RNF157: variants seen among roughly 807,000 people sequenced by gnomAD.
RNF157 encodes ring finger protein 157.
RNF157 carries 55 observed loss-of-function variants against 88.3 expected under a neutral mutation model. The observed-to-expected ratio is 0.62, with a 90% CI of 0.50 to 0.78. The LOEUF is 0.78. RNF157 is among the 30% of genes least tolerant of loss of function. The pLI is 0.00. For synonymous variants in RNF157, 334 were observed against 341.2 expected, an observed-to-expected ratio of 0.98 and a Z score of 0.23; for missense variants, 788 against 860.8, an observed-to-expected ratio of 0.92 and a Z score of 1.06.
chr17:76,210,900 G>A (rs992082717), intron 2 of RNF157, among the ~76,000 whole-genome samples: 1 of 152,102 alleles, frequency 6.6e-6, no homozygotes, highest in Non-Finnish European at 1.5e-5. Flanking sequence ...CACTTCCCGG[G>A]TTCAAGCGAT....
intron 3 of RNF157, among the ~76,000 whole-genome samples, chr17:76,172,416 ACT>A (rs1316872133): frequency 6.6e-6 from 1 of 151,636 alleles, no homozygotes; most frequent in Non-Finnish European, 1.5e-5. Flanking sequence ...ACATGGAGAA[ACT>A]CTGTCTCTAC....
intron 2 of RNF157, chr17:76,175,687 G>A: frequency 1.1e-6 from 1 of 887,828 alleles, no homozygotes; most frequent in Non-Finnish European, 1.3e-6. Flanking sequence ...TTTTTTTCTG[G>A]AGTAGCAAAG....
At chr17:76,148,566 CTTTT>C (rs35003550) in intron 18 of RNF157, among the ~76,000 whole-genome samples, 1 of 132,930 alleles carries the variant, frequency 7.5e-6, no homozygotes. Context: ...CGTGCCCCGC[CTTTT>C]TTTTTTTTTT....
At chr17:76,162,193 T>G (rs2068855859) in intron 9 of RNF157, 191 bp from the exon 10 acceptor site, 14 of 638,284 alleles carry the variant, frequency 2.2e-5, no homozygotes, top group Middle Eastern at 8.2e-4. Flanking sequence ...AGTGTTTATC[T>G]AAAATTGAGA....
intron 1 of RNF157, among the ~76,000 whole-genome samples, chr17:76,215,272 G>C (rs1241209950): frequency 6.6e-6 from 1 of 151,970 alleles, no homozygotes; most frequent in Non-Finnish European, 1.5e-5. Context: ...AGCAAGCTTA[G>C]CAAGACCTTG....
chr17:76,161,699 G>C lies in RNF157; in HGVS notation c.953-52C>G, dbSNP rs767368705. 1 of 1,554,746 alleles carries C rather than the reference G, an allele frequency of 6.4e-7. No homozygotes were observed. The highest frequency in any genetic ancestry group is 8.8e-7 in the Non-Finnish European group (1 of 1,133,150). On this transcript the variant is annotated intron_variant, in intron 10 of 18. Coordinates refer to ENST00000269391, the MANE Select transcript of RNF157 (RefSeq NM_052916.3). The surrounding 1 kb of genome is among the most constrained non-coding windows in gnomAD (Gnocchi z 4.6). ...GACATCCTGATACAGGATTAAGAAT[G>C]AACAAGAGCCCAGACAGAAACCATG... is the stretch of plus-strand genomic sequence containing the variant.
chr17:76,225,524 C>T (rs2070066200), intron 1 of RNF157, among the ~76,000 whole-genome samples: 1 of 152,014 alleles, frequency 6.6e-6, no homozygotes, highest in South Asian at 2.1e-4. Context: ...ATTGAATGGA[C>T]TATTTGAATG....
At chr17:76,234,481 C>T (rs189843041) in intron 1 of RNF157, among the ~76,000 whole-genome samples, 2 of 152,288 alleles carry the variant, frequency 1.3e-5, no homozygotes, top group East Asian at 3.9e-4. Context: ...TTTACATTCA[C>T]ACCGGCAGGG....
At chr17:76,225,646 G>T in intron 1 of RNF157, 2 of 1,038,986 alleles carry the variant, frequency 1.9e-6, no homozygotes, top group East Asian at 2.8e-5. Context: ...GTTTTTAGTG[G>T]CCAAATAATA....
In RNF157 at chr17:76,161,031, T is replaced by A. The variant is rs1568029307; in HGVS notation, c.1065+504A>T. 6.6e-6 allele frequency among the ~76,000 whole-genome samples: 1 copy of A among 152,196 alleles called. No individual in the cohort carries two copies. Among genetic ancestry groups the A allele is most frequent in the Non-Finnish European group, 1.5e-5 (1 of 68,032 alleles). ...AATCTCTCCCAGCAGTGCGTTAGTC[T>A]AAAGAAAGACAGTATCTGCTGCTCT... is the stretch of plus-strand genomic sequence containing the variant. On this transcript the variant is annotated intron_variant, in intron 11 of 18. Transcript: ENST00000269391. This position sits in a 1 kb window ranked among gnomAD's most constrained non-coding sequence, Gnocchi z 4.6.
intron 2 of RNF157, chr17:76,175,784 T>C (rs1182929663): frequency 5.2e-5 from 51 of 985,072 alleles, no homozygotes; most frequent in Non-Finnish European, 6.0e-5. Flanking sequence ...TTTCCCTTAT[T>C]CTTTACTCTT....
chr17:76,146,574 CG>C lies in RNF157; in HGVS notation c.1922-1222del. ...TCCGGACCCTGTGGGCCTCCCCAGC[CG>C]TGTCTCCCAGTGGCCTCCCCTCACG... On this transcript the variant is annotated intron_variant, in intron 18 of 18. Coordinates refer to ENST00000269391, the MANE Select transcript of RNF157 (RefSeq NM_052916.3). This position sits in a 1 kb window ranked among gnomAD's most constrained non-coding sequence, Gnocchi z 4.2. 1.0e-6 allele frequency: 1 copy of C among 985,430 alleles called. No individual in the cohort carries two copies. Among genetic ancestry groups the C allele is most frequent in the Non-Finnish European group, 1.2e-6 (1 of 829,930 alleles). 61.0% of individuals were successfully genotyped at this position (985,430 alleles called of 1,614,324 possible).
chr17:76,224,111 C>CA (rs1200902913), intron 1 of RNF157, among the ~76,000 whole-genome samples: 3 of 152,206 alleles, frequency 2.0e-5, no homozygotes, highest in South Asian at 4.1e-4. Flanking sequence ...AGCGAAAGCC[C>CA]AAAATCAATA....
Position 76,146,817 on chromosome 17 carries a change from G to A in RNF157, c.1922-1464C>T, listed in dbSNP as rs957300599. 2.0e-6 allele frequency: 2 copies of A among 985,366 alleles called. No individual in the cohort carries two copies. The highest frequency in any genetic ancestry group is 1.2e-6 in the Non-Finnish European group (1 of 829,950). 61.0% of individuals were successfully genotyped at this position (985,366 alleles called of 1,614,324 possible). Reference sequence around the variant, plus strand: ...ATAGGAGGACCTGTTCAGCGGACAAGGCCGACCAACTGTAGAGTGTGGCCG... The same window carrying A: ...ATAGGAGGACCTGTTCAGCGGACAAAGCCGACCAACTGTAGAGTGTGGCCG... On this transcript the variant is annotated intron_variant, in intron 18 of 18. Coordinates refer to ENST00000269391, the MANE Select transcript of RNF157 (RefSeq NM_052916.3). The surrounding 1 kb of genome is among the most constrained non-coding windows in gnomAD (Gnocchi z 4.2).
intron 2 of RNF157, among the ~76,000 whole-genome samples, chr17:76,179,247 TAGTC>T (rs1315971779): frequency 2.6e-5 from 4 of 151,782 alleles, no homozygotes; most frequent in South Asian, 2.1e-4. Context: ...ATGTAGAACT[TAGTC>T]AGCATGGTGG....
chr17:76,161,448 G>T lies in RNF157; in HGVS notation c.1065+87C>A. Reference sequence around the variant, plus strand: ...GCATGCCCTGGTCTAATTCCTTGCTGCAATGCCACGTAGAGAAGCATGAAA... The same window carrying T: ...GCATGCCCTGGTCTAATTCCTTGCTTCAATGCCACGTAGAGAAGCATGAAA... On this transcript the variant is annotated intron_variant, in intron 11 of 18. Transcript: ENST00000269391. This position sits in a 1 kb window ranked among gnomAD's most constrained non-coding sequence, Gnocchi z 4.6. 2 of 1,019,000 alleles carry T rather than the reference G, an allele frequency of 2.0e-6. No homozygotes were observed. The highest frequency in any genetic ancestry group is 3.1e-6 in the Non-Finnish European group (2 of 645,456). 63.1% of individuals were successfully genotyped at this position (1,019,000 alleles called of 1,614,324 possible).
rs1310315138 is a variant in RNF157 at position 76,199,518 on chromosome 17, T to C, written c.207+12846A>G. On this transcript the variant is annotated intron_variant, in intron 2 of 18. Coordinates refer to ENST00000269391, the MANE Select transcript of RNF157 (RefSeq NM_052916.3). The stretch of plus-strand genomic sequence containing the variant: ...ATCCTCCCACTTTGGCCTCCCAAAG[T>C]GCTGGGTTTATAGATGTGAGCCACT... 2.1e-5 allele frequency among the ~76,000 whole-genome samples: 3 copies of C among 145,390 alleles called. No individual in the cohort carries two copies. In the East Asian group the frequency reaches 6.0e-4, roughly 29 times the overall value.
In RNF157 at chr17:76,173,915, G is replaced by C. The variant is rs145929170; in HGVS notation, c.208-125C>G. 1.9e-5 allele frequency: 14 copies of C among 748,870 alleles called. No homozygotes were observed. In the Admixed American group the frequency reaches 3.0e-4, roughly 16 times the overall value. The allele number at this position is 748,870 out of a possible 1,614,324, so 46.4% of individuals were successfully genotyped here. On this transcript the variant is annotated intron_variant, in intron 2 of 18. Coordinates refer to ENST00000269391, the MANE Select transcript of RNF157 (RefSeq NM_052916.3). ...AGGAAGGCACAACTCTCCTAATTAA[G>C]TGAGGAAACTGAAACTCCGACATAC...
chr17:76,225,783 G>A (rs1243334887), intron 1 of RNF157: 22 of 1,549,900 alleles, frequency 1.4e-5, no homozygotes, highest in African/African-American at 4.2e-5. Context: ...CTTGCCTTGC[G>A]GACCTCTTCT....
Sources: allele counts gnomAD v4.1 joint callset (sites outside exome capture counted in the v4.1 genomes callset), GRCh38; gene constraint gnomAD v4.1.1; non-coding constraint Gnocchi (gnomAD v3.1); transcripts MANE v1.5; gene names NCBI Gene and HGNC (gene_info 2026-07-23, HGNC 2026-07-21).